Variants in TULP4 observed in about 807,000 individuals in gnomAD.
TULP4 encodes TUB like protein 4.
In TULP4, 16 loss-of-function variants were observed where a neutral mutation model predicts 129.0. That is an observed-to-expected ratio of 0.12 (90% confidence interval 0.08 to 0.19). The LOEUF (loss-of-function observed/expected upper bound fraction) is 0.19. Ranked by LOEUF, TULP4 falls within the 10% of genes least tolerant of loss-of-function variation. TULP4 has a pLI of 1.00. For missense variants in TULP4, 1,842 were observed against 2,059.1 expected, an observed-to-expected ratio of 0.89 and a Z score of 2.04; for synonymous variants, 998 against 854.0, an observed-to-expected ratio of 1.17 and a Z score of -2.94.
chr6:158,262,928 G>A (rs1040927084), intron 1 of TULP4, among the ~76,000 whole-genome samples: 2 of 71,090 alleles, frequency 2.8e-5, no homozygotes, highest in African/African-American at 6.6e-5. Flanking sequence ...CATCACTTCA[G>A]CCAAGTCATT....
upstream of TULP4, among the ~76,000 whole-genome samples, chr6:158,308,801 A>C (rs1230232286): frequency 7.3e-6 from 1 of 137,144 alleles, no homozygotes; most frequent in Non-Finnish European, 1.6e-5. Context: ...CTGGCCGGGC[A>C]GAGGGGCTCC....
intron 1 of TULP4, among the ~76,000 whole-genome samples, chr6:158,342,080 A>G (rs974912305): frequency 6.6e-6 from 1 of 152,164 alleles, no homozygotes; most frequent in African/African-American, 2.4e-5. Flanking sequence ...CACCACACCT[A>G]CTAATTTTTG....
intron 1 of TULP4, among the ~76,000 whole-genome samples, chr6:158,383,402 ATAAAAG>A (rs893257173): frequency 1.3e-5 from 2 of 152,250 alleles, no homozygotes; most frequent in African/African-American, 4.8e-5. Context: ...TAATGCAATG[ATAAAAG>A]TAAAAGTGGC....
At chr6:158,498,920 G>A (rs565660479) in intron 12 of TULP4, 108 bp downstream of exon 12, 28 of 1,372,568 alleles carry the variant, frequency 2.0e-5, no homozygotes, top group Non-Finnish European at 2.5e-5. Context: ...ACCTGGGTTT[G>A]GAAAAGGTAT....
chr6:158,284,224 G>C (rs1160669483), intron 1 of TULP4, among the ~76,000 whole-genome samples: 1 of 152,178 alleles, frequency 6.6e-6, no homozygotes, highest in Non-Finnish European at 1.5e-5. Context: ...TGGAGACCAG[G>C]CTGGAAAACA....
chr6:158,471,472 A>G (rs910919405), intron 6 of TULP4, among the ~76,000 whole-genome samples: 1 of 152,246 alleles, frequency 6.6e-6, no homozygotes, highest in Non-Finnish European at 1.5e-5. Context: ...GTGGTTAGAT[A>G]CTTCATGACC....
chr6:158,242,042 A>AC, intron 1 of TULP4: 1 of 794,242 alleles, frequency 1.3e-6, no homozygotes, highest in Non-Finnish European at 2.3e-6. Flanking sequence ...ACATCTAGTA[A>AC]CCCTACATCC....
At chr6:158,296,407 T>G (rs1779033477) in intron 1 of TULP4, among the ~76,000 whole-genome samples, 1 of 151,880 alleles carries the variant, frequency 6.6e-6, no homozygotes, top group African/African-American at 2.4e-5. Context: ...ACATCACATA[T>G]TGGTAGGACT....
intron 3 of TULP4, among the ~76,000 whole-genome samples, chr6:158,444,155 G>T (rs1778973077): frequency 7.2e-6 from 1 of 138,690 alleles, no homozygotes; most frequent in Admixed American, 7.7e-5. Context: ...GGGAGGCAGA[G>T]GTTGCAGTGA....
At chr6:158,447,793 C>A (rs554480393) in intron 3 of TULP4, among the ~76,000 whole-genome samples, 154 of 152,300 alleles carry the variant, frequency 1.0e-3, no homozygotes, top group African/African-American at 3.2e-3. Flanking sequence ...TCACTTAATG[C>A]CTTTGTCAGC....
intron 1 of TULP4, among the ~76,000 whole-genome samples, chr6:158,296,688 TAAAG>T (rs1779039464): frequency 6.6e-6 from 1 of 151,314 alleles, no homozygotes. Flanking sequence ...GTCTGAGAAA[TAAAG>T]AGAAAGAGTA....
chr6:158,506,696 G>A lies in TULP4; in HGVS notation c.*2G>A. On this transcript the variant is annotated 3_prime_UTR_variant, in exon 14 of 14. Transcript: ENST00000367097. Reference sequence around the variant, plus strand: ...AACGTGACTCAGCGCCTCAAATGAAGAGACTGGTGTGGGGAGGAGAGAGAT... The same window carrying A: ...AACGTGACTCAGCGCCTCAAATGAAAAGACTGGTGTGGGGAGGAGAGAGAT... The A allele has an allele frequency of 6.3e-7, 1 of 1,595,648 alleles. No homozygotes were observed. Among genetic ancestry groups the A allele is most frequent in the Non-Finnish European group, 8.6e-7 (1 of 1,163,310 alleles).
At chr6:158,450,041 G>C (rs1779132743) in intron 4 of TULP4, among the ~76,000 whole-genome samples, 1 of 152,118 alleles carries the variant, frequency 6.6e-6, no homozygotes, top group African/African-American at 2.4e-5. Flanking sequence ...CCTCGTTCTA[G>C]GTATTTGAAA....
At chr6:158,492,306 G>A (rs1243121238) in intron 9 of TULP4, among the ~76,000 whole-genome samples, 2 of 152,186 alleles carry the variant, frequency 1.3e-5, no homozygotes, top group Non-Finnish European at 2.9e-5. Flanking sequence ...CCTTTCTTCA[G>A]TTCTCTTCCA....
intron 3 of TULP4, chr6:158,437,685 T>C (rs1045626367): frequency 2.0e-5 from 3 of 152,222 alleles, no homozygotes; most frequent in African/African-American, 7.2e-5. Flanking sequence ...CATTGGTCAG[T>C]TGAAAAGAAT....
rs778575106 is a variant in TULP4 at position 158,273,224 on chromosome 6, T to C, written n.69-38827T>C. On this transcript the variant is annotated intron_variant and non_coding_transcript_variant, in intron 1 of 1. Coordinates refer to the TULP4 transcript ENST00000620026. ...CAGGAGCCACATCCAATGTCTTCAT[T>C]GAACTGGACCTTTCTGCAGGCCCTC... Among the ~76,000 whole-genome samples, 56 of 152,352 alleles carry C rather than the reference T, an allele frequency of 3.7e-4. No homozygotes were observed. In the Middle Eastern group the frequency reaches 0.014, roughly 37 times the overall value.
intron 1 of TULP4, among the ~76,000 whole-genome samples, chr6:158,254,897 C>T (rs1250859482): frequency 6.6e-6 from 1 of 152,160 alleles, no homozygotes; most frequent in African/African-American, 2.4e-5. Context: ...CATGGCGAAA[C>T]CCTGTCTCTA....
chr6:158,418,457 T>G (rs1303158014), intron 2 of TULP4, among the ~76,000 whole-genome samples: 1 of 151,632 alleles, frequency 6.6e-6, no homozygotes, highest in African/African-American at 2.4e-5. Context: ...GTTTTGTTTT[T>G]CCAGTTGTGA....
At chr6:158,404,943 T>G (rs1651742129) in intron 1 of TULP4, among the ~76,000 whole-genome samples, 1 of 152,142 alleles carries the variant, frequency 6.6e-6, no homozygotes, top group Non-Finnish European at 1.5e-5. Context: ...AAATTTTTCT[T>G]TAAACTGTTA....
Sources: allele counts gnomAD v4.1 joint callset (sites outside exome capture counted in the v4.1 genomes callset), GRCh38; gene constraint gnomAD v4.1.1; transcripts MANE v1.5; gene names NCBI Gene and HGNC (gene_info 2026-07-23, HGNC 2026-07-21).